Variants in SBF2 observed in about 807,000 individuals in gnomAD.
The protein encoded by SBF2 is SET binding factor 2, also known as myotubularin-related protein 13.
In SBF2, 112 loss-of-function variants were observed where a neutral mutation model predicts 225.2. The ratio of observed to expected loss-of-function variants is 0.50; its 90% CI spans 0.43 to 0.58. The LOEUF (loss-of-function observed/expected upper bound fraction) is 0.58. SBF2 is among the 20% of genes least tolerant of loss of function. SBF2 has a pLI of 0.00. For missense variants in SBF2, 1,996 were observed against 2,206.2 expected (o/e 0.90, Z 1.91); for synonymous variants, 763 against 773.3 (o/e 0.99, Z 0.22).
At chr11:10,221,346 G>A (rs1324348814) in intron 1 of SBF2, among the ~76,000 whole-genome samples, 1 of 152,034 alleles carries the variant, frequency 6.6e-6, no homozygotes, top group Non-Finnish European at 1.5e-5. Flanking sequence ...TCAAACTCCT[G>A]ACCTTAAGTG....
chr11:9,953,066 A>G (rs1354126831), intron 16 of SBF2, among the ~76,000 whole-genome samples: 1 of 152,248 alleles, frequency 6.6e-6, no homozygotes. Context: ...ATTCCTGCAC[A>G]TGAATGTTTC....
intron 1 of SBF2, among the ~76,000 whole-genome samples, chr11:10,286,632 A>G (rs886959138): frequency 5.3e-5 from 8 of 152,182 alleles, no homozygotes; most frequent in African/African-American, 2.4e-5. Context: ...TGGTGAGATT[A>G]TAAGTGTGAG....
chr11:10,292,662 G>A (rs1302207931), intron 1 of SBF2, among the ~76,000 whole-genome samples: 1 of 111,178 alleles, frequency 9.0e-6, no homozygotes, highest in Non-Finnish European at 1.7e-5. Flanking sequence ...GTGGGCAACA[G>A]AGCAAAACTC....
Position 10,254,900 on chromosome 11 carries a change from C to CAAAAAAAAAAAAAAAA in SBF2, c.55+39099_55+39114dup, listed in dbSNP as rs71034757. On this transcript the variant is annotated intron_variant, in intron 1 of 39. Coordinates refer to ENST00000256190, the MANE Select transcript of SBF2 (RefSeq NM_030962.4). ...TGGGTGACAGAGTGAGACTCTGTCT[C>CAAAAAAAAAAAAAAAA]AAAAAAAAAAAAAAAAAAAAAAAAA... Among the ~76,000 whole-genome samples, 21 of 44,074 alleles carry CAAAAAAAAAAAAAAAA rather than the reference C, an allele frequency of 4.8e-4. 3 individuals carry two copies. Among genetic ancestry groups the CAAAAAAAAAAAAAAAA allele is most frequent in the East Asian group, 9.3e-4 (1 of 1,070 alleles). 28.9% of individuals were successfully genotyped at this position (44,074 alleles called of 152,430 possible).
At chr11:10,179,322 T>C (rs1044274521) in intron 2 of SBF2, among the ~76,000 whole-genome samples, 11 of 150,682 alleles carry the variant, frequency 7.3e-5, no homozygotes, top group African/African-American at 2.2e-4. Flanking sequence ...TGTGCACATG[T>C]ACCCTAAAAC....
At chr11:9,813,903 C>A (rs977463109) in intron 29 of SBF2, among the ~76,000 whole-genome samples, 1 of 152,022 alleles carries the variant, frequency 6.6e-6, no homozygotes, top group Non-Finnish European at 1.5e-5. Context: ...GATGACACCA[C>A]TGCACTCCAG....
chr11:9,792,263 T>A (rs146710194), intron 33 of SBF2, among the ~76,000 whole-genome samples: 1,880 of 152,110 alleles, frequency 0.012, 47 homozygotes, highest in African/African-American at 0.043. Context: ...AAACCCCATC[T>A]CTACTAAAGA....
chr11:10,256,106 T>C (rs183382535), intron 1 of SBF2, among the ~76,000 whole-genome samples: 3 of 152,198 alleles, frequency 2.0e-5, no homozygotes, highest in East Asian at 3.9e-4. Flanking sequence ...TATAAGAAAA[T>C]GTGGGGGAAT....
chr11:9,974,193 C>A (rs1366924786), intron 13 of SBF2, among the ~76,000 whole-genome samples: 1 of 152,082 alleles, frequency 6.6e-6, no homozygotes, highest in Non-Finnish European at 1.5e-5. Flanking sequence ...AATGTCTTAT[C>A]CTTAATACAA....
intron 1 of SBF2, among the ~76,000 whole-genome samples, chr11:10,274,389 A>T (rs1275379281): frequency 6.6e-6 from 1 of 152,118 alleles, no homozygotes; most frequent in Non-Finnish European, 1.5e-5. Flanking sequence ...GTTTAAAATT[A>T]CAGGGTTTTG....
chr11:9,884,853 T>G (rs2134096838), intron 17 of SBF2, among the ~76,000 whole-genome samples: 1 of 152,278 alleles, frequency 6.6e-6, no homozygotes, highest in Middle Eastern at 3.4e-3. Context: ...ACAAAATAAC[T>G]TAAATATTCA....
At chr11:10,155,229 C>T (rs1182949919) in intron 2 of SBF2, among the ~76,000 whole-genome samples, 1 of 152,048 alleles carries the variant, frequency 6.6e-6, no homozygotes, top group African/African-American at 2.4e-5. Flanking sequence ...ATTTTATACA[C>T]TGGTTGCATT....
At chr11:9,994,992 G>A (rs1161654710) in intron 9 of SBF2, among the ~76,000 whole-genome samples, 2 of 150,422 alleles carry the variant, frequency 1.3e-5, no homozygotes, top group African/African-American at 2.5e-5. Flanking sequence ...AGCTGAGATC[G>A]CACCACTGCA....
intron 33 of SBF2, among the ~76,000 whole-genome samples, chr11:9,791,705 T>C (rs1412812845): frequency 6.6e-6 from 1 of 152,276 alleles, no homozygotes; most frequent in Non-Finnish European, 1.5e-5. Context: ...GCAAATGCTC[T>C]AGGGGTTGCA....
intron 2 of SBF2, among the ~76,000 whole-genome samples, chr11:10,185,322 A>G (rs747027761): frequency 6.6e-6 from 1 of 151,898 alleles, no homozygotes; most frequent in Admixed American, 6.6e-5. Flanking sequence ...TTTATTTTCA[A>G]TTTTTTTTGA....
intron 1 of SBF2, among the ~76,000 whole-genome samples, chr11:10,277,915 A>G (rs1184580983): frequency 2.6e-5 from 4 of 152,206 alleles, no homozygotes; most frequent in Non-Finnish European, 5.9e-5. Context: ...TTGTGAGAGA[A>G]TGGTGTTTGT....
intron 16 of SBF2, among the ~76,000 whole-genome samples, chr11:9,936,190 A>C (rs374198579): frequency 6.6e-6 from 1 of 152,246 alleles, no homozygotes; most frequent in Non-Finnish European, 1.5e-5. Flanking sequence ...CAGCCAACAG[A>C]CTTATGAAAG....
chr11:9,825,020 T>C (rs1240579565), intron 28 of SBF2, among the ~76,000 whole-genome samples: 1 of 152,098 alleles, frequency 6.6e-6, no homozygotes, highest in Non-Finnish European at 1.5e-5. Context: ...TTTAAAATAA[T>C]AGTACTCTAA....
intron 16 of SBF2, among the ~76,000 whole-genome samples, chr11:9,932,311 C>A (rs1206627987): frequency 6.6e-6 from 1 of 152,078 alleles, no homozygotes; most frequent in Non-Finnish European, 1.5e-5. Context: ...AGAAGAGCAA[C>A]CCCAAGACAC....
Sources: gnomAD v4.1 joint callset for allele counts (sites outside exome capture counted in the v4.1 genomes callset) on GRCh38, gnomAD v4.1.1 for gene constraint, MANE v1.5 for transcripts, NCBI Gene and HGNC (gene_info 2026-07-23, HGNC 2026-07-21) for gene names.